The following FTO variants were observed in gnomAD, a reference collection of about 807,000 sequenced individuals.
FTO encodes the protein alpha-ketoglutarate-dependent dioxygenase FTO.
A neutral mutation model predicts 63.9 loss-of-function variants in FTO; 47 were observed. The ratio of observed to expected loss-of-function variants is 0.74; its 90% confidence interval spans 0.58 to 0.94. FTO has a LOEUF of 0.94. Ranked by LOEUF, FTO falls within the 40% of genes least tolerant of loss-of-function variation. The pLI, the probability that FTO is intolerant of heterozygous loss-of-function variation, is 0.00. For synonymous variants in FTO, 207 were observed against 224.4 expected (o/e 0.92, Z 0.69); for missense variants, 562 against 618.1 (o/e 0.91, Z 0.96).
At chr16:53,765,549 C>T (rs1418492543) in intron 1 of FTO, among the ~76,000 whole-genome samples, 3 of 127,958 alleles carry the variant, frequency 2.3e-5, no homozygotes, top group Non-Finnish European at 4.9e-5. Flanking sequence ...AAGAGCGAAA[C>T]TCCGTCTCAA....
intron 8 of FTO, among the ~76,000 whole-genome samples, chr16:53,947,121 C>T (rs948503782): frequency 1.8e-4 from 27 of 152,200 alleles, no homozygotes; most frequent in African/African-American, 6.0e-4. Flanking sequence ...GCAGCTGCTA[C>T]TGTCAGCTGC....
At chr16:54,073,494 G>A (rs908434343) in intron 8 of FTO, among the ~76,000 whole-genome samples, 8 of 151,994 alleles carry the variant, frequency 5.3e-5, no homozygotes, top group Non-Finnish European at 8.8e-5. Context: ...AAAGTCAGTG[G>A]CTTTTTTAAA....
chr16:53,719,816 A>C (rs1415670977), intron 1 of FTO, among the ~76,000 whole-genome samples: 1 of 152,026 alleles, frequency 6.6e-6, no homozygotes, highest in African/African-American at 2.4e-5. Context: ...GTATTTCAAA[A>C]TCTTAAAATA....
chr16:53,843,416 C>T (rs1020332399), intron 3 of FTO, among the ~76,000 whole-genome samples: 17 of 152,116 alleles, frequency 1.1e-4, no homozygotes, highest in Admixed American at 8.5e-4. Flanking sequence ...AAATTTCTCT[C>T]TTTTGGCTTT....
At chr16:53,991,926 A>C (rs2083819977) in intron 8 of FTO, 1 of 152,174 alleles carries the variant, frequency 6.6e-6, no homozygotes, top group African/African-American at 2.4e-5. Flanking sequence ...AGTTGCTGCC[A>C]GGAACTGTAG....
At chr16:54,067,214 T>A (rs2144425400) in intron 8 of FTO, among the ~76,000 whole-genome samples, 1 of 152,248 alleles carries the variant, frequency 6.6e-6, no homozygotes, top group Admixed American at 6.5e-5. Flanking sequence ...TTAATTTATT[T>A]CAAACCTTTT....
At chr16:53,724,122 A>G (rs1197766685) in intron 1 of FTO, among the ~76,000 whole-genome samples, 8 of 152,224 alleles carry the variant, frequency 5.3e-5, no homozygotes, top group Non-Finnish European at 1.2e-4. Flanking sequence ...AATCAAATCT[A>G]TTTATTTCTA....
At chr16:53,812,727 T>G (rs2078568384) in intron 2 of FTO, among the ~76,000 whole-genome samples, 1 of 152,184 alleles carries the variant, frequency 6.6e-6, no homozygotes, top group Non-Finnish European at 1.5e-5. Context: ...CCCAGGGATT[T>G]GGCATCTGGA....
intron 1 of FTO, among the ~76,000 whole-genome samples, chr16:53,721,933 A>G (rs969637144): frequency 4.6e-5 from 7 of 152,140 alleles, no homozygotes; most frequent in African/African-American, 1.7e-4. Flanking sequence ...GATTACTGGG[A>G]GACTTCATAT....
intron 8 of FTO, among the ~76,000 whole-genome samples, chr16:54,033,128 C>T (rs1338191652): frequency 2.0e-5 from 3 of 152,220 alleles, no homozygotes; most frequent in Non-Finnish European, 4.4e-5. Context: ...AATGTTCTCA[C>T]ACACCTATTT....
rs898967692 is a variant in FTO, at chr16:53,726,342, G to T, written c.45+22113G>T. On this transcript the variant is annotated intron_variant, in intron 1 of 8. Coordinates refer to ENST00000471389, the MANE Select transcript of FTO (RefSeq NM_001080432.3). ...TTCTTAAAGATTATTTTGTTTTGTA[G>T]ACATGTAGGAACTTTCCTAGAAAAT... 9.2e-5 allele frequency among the ~76,000 whole-genome samples: 14 copies of T among 152,086 alleles called. No homozygotes were observed. In the East Asian group the frequency reaches 1.2e-3, roughly 13 times the overall value.
intron 1 of FTO, among the ~76,000 whole-genome samples, chr16:53,746,851 C>T (rs2076662227): frequency 2.0e-5 from 3 of 152,158 alleles, no homozygotes; most frequent in South Asian, 4.1e-4. Flanking sequence ...CCATCATCTC[C>T]CCAATCTTCT....
chr16:53,986,407 A>G (rs1406315368), intron 8 of FTO, among the ~76,000 whole-genome samples: 1 of 152,086 alleles, frequency 6.6e-6, no homozygotes, highest in Non-Finnish European at 1.5e-5. Context: ...AGGACTAACC[A>G]TGTGTCCCCG....
intron 1 of FTO, among the ~76,000 whole-genome samples, chr16:53,803,631 G>T (rs138714071): frequency 4.6e-5 from 7 of 152,290 alleles, no homozygotes; most frequent in African/African-American, 1.4e-4. Flanking sequence ...CTCAGGGATG[G>T]TGTGGTGTAG....
chr16:53,741,155 C>A (rs1315804832), intron 1 of FTO, among the ~76,000 whole-genome samples: 1 of 152,208 alleles, frequency 6.6e-6, no homozygotes. Context: ...TACATATTAT[C>A]TAGACTGCTT....
intron 1 of FTO, among the ~76,000 whole-genome samples, chr16:53,708,372 A>G (rs1036231863): frequency 1.3e-5 from 2 of 152,012 alleles, no homozygotes; most frequent in African/African-American, 4.8e-5. Flanking sequence ...CTCAAAAAAA[A>G]AAAAAGAATT....
chr16:53,939,442 G>T (rs1236891043), intron 8 of FTO, among the ~76,000 whole-genome samples: 1 of 152,104 alleles, frequency 6.6e-6, no homozygotes, highest in Non-Finnish European at 1.5e-5. Flanking sequence ...AAAAATTGAG[G>T]TACAAGTCAT....
chr16:54,062,855 T>A (rs1265399970), intron 8 of FTO, among the ~76,000 whole-genome samples: 1 of 152,198 alleles, frequency 6.6e-6, no homozygotes, highest in Admixed American at 6.5e-5. Flanking sequence ...ACCACTCACC[T>A]GCAGTGACAA....
intron 8 of FTO, among the ~76,000 whole-genome samples, chr16:54,058,980 C>T (rs1033984465): frequency 2.0e-5 from 3 of 152,212 alleles, no homozygotes; most frequent in African/African-American, 4.8e-5. Flanking sequence ...CTATGTGTCT[C>T]GCTTATGGAA....
Sources: gnomAD v4.1 joint callset for allele counts (sites outside exome capture counted in the v4.1 genomes callset) on GRCh38, gnomAD v4.1.1 for gene constraint, MANE v1.5 for transcripts, NCBI Gene and HGNC (gene_info 2026-07-23, HGNC 2026-07-21) for gene names.